Variants in NDUFS1 observed in about 807,000 individuals in gnomAD.
The protein encoded by NDUFS1 is NADH:ubiquinone oxidoreductase core subunit S1, also known as NADH-ubiquinone oxidoreductase 75 kDa subunit, mitochondrial.
NDUFS1 carries 61 observed loss-of-function variants against 84.4 expected under a neutral mutation model. That is an observed-to-expected ratio of 0.72 (90% CI 0.59 to 0.89). The LOEUF is 0.89. Ranked by LOEUF, NDUFS1 falls within the 40% of genes least tolerant of loss-of-function variation. The pLI, the probability that NDUFS1 is intolerant of heterozygous loss-of-function variation, is 0.00. For synonymous variants in NDUFS1, 275 were observed against 290.0 expected, an observed-to-expected ratio of 0.95 and a Z score of 0.53; for missense variants, 891 against 890.0, an observed-to-expected ratio of 1.00 and a Z score of -0.01.
chr2:206,135,537 G>T (rs1691674093), intron 13 of NDUFS1, among the ~76,000 whole-genome samples: 1 of 151,908 alleles, frequency 6.6e-6, no homozygotes, highest in Non-Finnish European at 1.5e-5. Context: ...GCTGGGCATG[G>T]TGGCGTGCGC....
At chr2:206,142,144 A>T in intron 11 of NDUFS1, 75 bp from the exon 12 acceptor site, 1 of 1,342,810 alleles carries the variant, frequency 7.4e-7, no homozygotes, top group Non-Finnish European at 1.1e-6. Context: ...ATATTCTCCT[A>T]TCATCAAACC....
At chr2:206,130,328 A>C in intron 14 of NDUFS1, 86 bp from the exon 15 acceptor site, 2 of 1,488,010 alleles carry the variant, frequency 1.3e-6, no homozygotes, top group Non-Finnish European at 1.8e-6. Context: ...ATTTCCTTTC[A>C]ACAATGTCAA....
Position 206,146,945 on chromosome 2 carries a change from G to A in NDUFS1, c.695C>T (p.Thr232Ile), listed in dbSNP as rs767510289. The change falls in exon 8 of 19, where the codon ACC becomes ATC. Residue 232 changes from threonine to isoleucine, a missense_variant. Thr to Ile is a moderately conservative substitution (Grantham distance 89). Transcript: ENST00000233190. ...GGCAGTAAAGGCATAGGGCTTAGAGGTTAGGGCACCTACAGGGCAGATATC... is the reference window on the plus strand; with the variant it reads ...GGCAGTAAAGGCATAGGGCTTAGAGATTAGGGCACCTACAGGGCAGATATC... ...IIDICPVGAL[T>I]SKPYAFTARP... is the part of the protein sequence containing the mutation. 11 of 1,613,966 alleles carry A rather than the reference G, an allele frequency of 6.8e-6. No homozygotes were observed. The highest frequency in any genetic ancestry group is 6.7e-5 in the East Asian group (3 of 44,892).
At chr2:206,135,544 G>A (rs1214432017) in intron 13 of NDUFS1, among the ~76,000 whole-genome samples, 1 of 151,790 alleles carries the variant, frequency 6.6e-6, no homozygotes, top group Non-Finnish European at 1.5e-5. Context: ...ATGGTGGCGT[G>A]CGCCTGTAGT....
At chr2:206,135,922 AACC>A (rs1268255807) in intron 13 of NDUFS1, among the ~76,000 whole-genome samples, 2 of 152,148 alleles carry the variant, frequency 1.3e-5, no homozygotes, top group Non-Finnish European at 2.9e-5. Context: ...ACCATCTTGG[AACC>A]ACAAGGAGAA....
At position 206,132,959 on chromosome 2, in the gene NDUFS1, C is replaced by T; in HGVS notation, c.1539G>A (p.Met513Ile). The T allele has an allele frequency of 6.2e-7, 1 of 1,613,734 alleles. No homozygotes were observed. The highest frequency in any genetic ancestry group is 8.5e-7 in the Non-Finnish European group (1 of 1,179,782). Reference protein sequence around the residue: ...TSGVTGDWKVMNILHRIASQV... With the variant: ...TSGVTGDWKVINILHRIASQV... ...ACTCAACAAACCTATGAAGGATATT[C>T]ATAACTTTCCAATCACCAGTAACAC... is the stretch of plus-strand genomic sequence containing the variant. The change falls in exon 14 of 19, where the codon ATG becomes ATA. Residue 513 changes from methionine (M) to isoleucine (I), a missense_variant. Coordinates refer to ENST00000233190, the MANE Select transcript of NDUFS1 (RefSeq NM_005006.7).
In NDUFS1 at chr2:206,141,967, T is replaced by C; in HGVS notation, c.1236A>G (p.Pro412=). 6.2e-7 allele frequency: 1 copy of C among 1,610,966 alleles called. No homozygotes were observed. The highest frequency in any genetic ancestry group is 2.2e-5 in the East Asian group (1 of 44,858). ...LVGTNPRFEA[P]LFNARIRKSW... is the part of the protein sequence containing the mutation. The stretch of plus-strand genomic sequence containing the variant: ...TCTTTCGAATTCTAGCATTAAACAG[T>C]GGTGCCTCAAAACGTGGGTTTGTAC... Residue 412 remains proline, a synonymous_variant, in exon 12 of 19, where the codon CCA becomes CCG. Transcript: ENST00000233190.
intron 1 of NDUFS1, among the ~76,000 whole-genome samples, chr2:206,155,545 G>A (rs982272035): frequency 1.3e-5 from 2 of 152,126 alleles, no homozygotes; most frequent in African/African-American, 4.8e-5. Flanking sequence ...AGCCTCCCGA[G>A]TAGTTGGGAT....
intron 1 of NDUFS1, 199 bp downstream of exon 1, chr2:206,159,142 C>T: frequency 1.3e-6 from 2 of 1,535,730 alleles, no homozygotes. Context: ...ATCTTCTTTT[C>T]TGCTTCATCA....
At chr2:206,137,455 C>T (rs1380044809) in intron 13 of NDUFS1, among the ~76,000 whole-genome samples, 3 of 150,010 alleles carry the variant, frequency 2.0e-5, no homozygotes, top group East Asian at 1.9e-4. Flanking sequence ...GGTGACAGAG[C>T]GAGACTTCGT....
intron 15 of NDUFS1, among the ~76,000 whole-genome samples, chr2:206,128,689 G>A (rs1247059655): frequency 6.6e-6 from 1 of 151,724 alleles, no homozygotes. Context: ...GCTGAGGCAT[G>A]AGAATCGTTT....
intron 10 of NDUFS1, among the ~76,000 whole-genome samples, chr2:206,143,234 G>T (rs2105968898): frequency 1.3e-5 from 2 of 152,198 alleles, no homozygotes; most frequent in South Asian, 4.1e-4. Flanking sequence ...CTCCAGCCTG[G>T]GCGACAACAG....
intron 9 of NDUFS1, 74 bp from the exon 10 acceptor site, chr2:206,144,206 G>A (rs1190946831): frequency 8.8e-6 from 10 of 1,137,404 alleles, no homozygotes; most frequent in Non-Finnish European, 1.3e-5. Flanking sequence ...AAATCAACAA[G>A]AAATGTTATT....
intron 15 of NDUFS1, 152 bp from the exon 16 acceptor site, chr2:206,128,124 T>C: frequency 1.2e-6 from 1 of 802,276 alleles, no homozygotes; most frequent in South Asian, 1.6e-5. Flanking sequence ...TAATAAAAAT[T>C]AAAGCCCACC....
chr2:206,135,529 T>C (rs1438383160), intron 13 of NDUFS1, among the ~76,000 whole-genome samples: 1 of 151,696 alleles, frequency 6.6e-6, no homozygotes, highest in Admixed American at 6.6e-5. Flanking sequence ...AAAAATTAGC[T>C]GGGCATGGTG....
At position 206,141,964 on chromosome 2, in the gene NDUFS1, C is replaced by T. The variant is rs1575974781; in HGVS notation, c.1239G>A (p.Leu413=). The T allele has an allele frequency of 6.2e-7, 1 of 1,610,772 alleles. No homozygotes were observed. Among genetic ancestry groups the T allele is most frequent in the Non-Finnish European group, 8.5e-7 (1 of 1,177,088 alleles). ...VGTNPRFEAP[L]FNARIRKSWL... is the part of the protein sequence containing the mutation. ...ACCTCTTTCGAATTCTAGCATTAAA[C>T]AGTGGTGCCTCAAAACGTGGGTTTG... Residue 413 remains leucine, a synonymous_variant, in exon 12 of 19, where the codon CTG becomes CTA. Coordinates refer to ENST00000233190, the MANE Select transcript of NDUFS1 (RefSeq NM_005006.7).
intron 8 of NDUFS1, among the ~76,000 whole-genome samples, chr2:206,146,187 C>G (rs1692147847): frequency 6.6e-6 from 1 of 152,134 alleles, no homozygotes; most frequent in African/African-American, 2.4e-5. Context: ...CACAGGGGAA[C>G]TCCTAAGAAG....
intron 17 of NDUFS1, 32 bp from the exon 18 acceptor site, chr2:206,126,643 T>C: frequency 4.3e-6 from 7 of 1,614,036 alleles, no homozygotes; most frequent in Non-Finnish European, 5.1e-6. Flanking sequence ...AACAATAATA[T>C]GGAAAACTAG....
chr2:206,134,138 G>C (rs1014514729), intron 13 of NDUFS1, among the ~76,000 whole-genome samples: 1 of 152,156 alleles, frequency 6.6e-6, no homozygotes, highest in Non-Finnish European at 1.5e-5. Flanking sequence ...AATCACAAGA[G>C]GAATTTGCCA....
Sources: gnomAD v4.1 joint callset for allele counts (sites outside exome capture counted in the v4.1 genomes callset) on GRCh38, gnomAD v4.1.1 for gene constraint, MANE v1.5 for transcripts, NCBI Gene and HGNC (gene_info 2026-07-23, HGNC 2026-07-21) for gene names.